The following KRT6C variants were observed in gnomAD, a reference collection of about 807,000 sequenced individuals.
KRT6C encodes the protein keratin, type II cytoskeletal 6C.
KRT6C carries 46 observed loss-of-function variants against 49.4 expected under a neutral mutation model. The ratio of observed to expected loss-of-function variants is 0.93; its 90% CI spans 0.74 to 1.19. The LOEUF is 1.19. Among genes scored for constraint, KRT6C ranks in the 50% most tolerant of loss-of-function variants. The pLI, the probability that KRT6C is intolerant of heterozygous loss-of-function variation, is 0.00. For synonymous variants in KRT6C, 236 were observed against 297.1 expected (o/e 0.79, Z 2.12); for missense variants, 552 against 737.5 (o/e 0.75, Z 2.91).
chr12:52,472,395 A>T, intron 1 of KRT6C, 115 bp from the exon 2 acceptor site: 1 of 979,888 alleles, frequency 1.0e-6, no homozygotes, highest in Non-Finnish European at 1.5e-6. Context: ...ACTACAGTGC[A>T]TGTGGAGAGG....
At chr12:52,471,089 A>G (rs762759903) in intron 5 of KRT6C, 43 bp downstream of exon 5, 13 of 1,614,010 alleles carry the variant, frequency 8.1e-6, no homozygotes, top group Non-Finnish European at 9.3e-6. Context: ...GTATTCCAGG[A>G]TGGACACAAG....
rs1937888186 is a variant in KRT6C at position 52,471,728 on chromosome 12, C to T, written c.760G>A (p.Glu254Lys). The T allele has an allele frequency of 1.9e-6, 3 of 1,613,740 alleles. No homozygotes were observed. The highest frequency in any genetic ancestry group is 2.7e-5 in the African/African-American group (2 of 74,970). The change falls in exon 3 of 9, where the codon GAG becomes AAG. Residue 254 changes from glutamate to lysine, a missense_variant. Around this residue, in one of 3 missense-constraint regions of KRT6C, gnomAD observed 425 missense variants for 439.4 expected, o/e 0.97. Transcript: ENST00000252250. Reference protein sequence around the residue: ...DLVEDLKNKYEDEINKRTAAE... With the variant: ...DLVEDLKNKYKDEINKRTAAE... ...GCTGTGCGCTTGTTGATTTCATCCT[C>T]ATATCTACAGGAAGAAAGGCATAGG...
Position 52,469,578 on chromosome 12 carries a change from C to A in KRT6C, c.1424+92G>T, listed in dbSNP as rs527543729. ...AGTTTTCTCTCAAGAAGAGCAATTA[C>A]GGCCATGAGCAGTGCACCCTAGAAT... On this transcript the variant is annotated intron_variant, in intron 7 of 8. Coordinates refer to ENST00000252250, the MANE Select transcript of KRT6C (RefSeq NM_173086.5). The A allele has an allele frequency of 4.5e-4, 733 of 1,612,500 alleles. 5 individuals are homozygous for A. The African/African-American group carries it at 9.0e-3, about 20-fold the overall frequency.
Position 52,469,792 on chromosome 12 carries a change from C to T in KRT6C, c.1302G>A (p.Leu434=). The change falls in exon 7 of 9, where the codon CTG becomes CTA. Residue 434 remains leucine (L), a synonymous_variant. Coordinates refer to ENST00000252250, the MANE Select transcript of KRT6C (RefSeq NM_173086.5). ...KNKLEGLEDA[L]QKAKQDLARL... is the part of the protein sequence containing the mutation. Reference sequence around the variant, plus strand: ...GGGCCAGGTCCTGCTTGGCCTTCTGCAGGGCATCCTCCAGCCCTTCCAGCT... The same window carrying T: ...GGGCCAGGTCCTGCTTGGCCTTCTGTAGGGCATCCTCCAGCCCTTCCAGCT... 1 of 1,614,146 alleles carries T rather than the reference C, an allele frequency of 6.2e-7. No homozygotes were observed. The highest frequency in any genetic ancestry group is 8.5e-7 in the Non-Finnish European group (1 of 1,180,004).
At position 52,472,353 on chromosome 12, in the gene KRT6C, G is replaced by A; in HGVS notation, c.541-73C>T. 2 of 1,289,584 alleles carry A rather than the reference G, an allele frequency of 1.6e-6. 1 individual carries two copies. Among genetic ancestry groups the A allele is most frequent in the South Asian group, 2.4e-5 (2 of 81,734 alleles). The allele number at this position is 1,289,584 out of a possible 1,614,324, so 79.9% of individuals were successfully genotyped here. ...AAAGTGTCTGGTATCCAGTTTCCTG[G>A]CAGGTCTTGGAGGTCCCCATGGTGC... On this transcript the variant is annotated intron_variant, in intron 1 of 8. Transcript: ENST00000252250.
Position 52,472,321 on chromosome 12 carries a change from G to A in KRT6C, c.541-41C>T. The A allele has an allele frequency of 1.4e-6, 2 of 1,390,032 alleles. 1 individual carries two copies. Among genetic ancestry groups the A allele is most frequent in the Non-Finnish European group, 2.0e-6 (2 of 1,004,370 alleles). The allele number at this position is 1,390,032 out of a possible 1,614,324, so 86.1% of individuals were successfully genotyped here. A position where few individuals can be genotyped will look rare whatever the true frequency, so the allele number is the denominator to read the frequency against. On this transcript the variant is annotated intron_variant, in intron 1 of 8. Coordinates refer to ENST00000252250, the MANE Select transcript of KRT6C (RefSeq NM_173086.5). ...GATGGTCATTTTCCAGGCAAAGGAA[G>A]GAAGAAAAAGTGTCTGGTATCCAGT...
Position 52,469,162 on chromosome 12 carries a change from C to T in KRT6C, c.1595G>A (p.Gly532Asp). 1 of 1,614,028 alleles carries T rather than the reference C, an allele frequency of 6.2e-7. No individual in the cohort carries two copies. The highest frequency in any genetic ancestry group is 8.5e-7 in the Non-Finnish European group (1 of 1,179,886). Residue 532 changes from glycine to aspartate, a missense_variant, in exon 9 of 9, where the codon GGC becomes GAC. Gly to Asp is a moderately conservative substitution (Grantham distance 94). Transcript: ENST00000252250. Reference sequence around the variant, plus strand: ...GCTGAGGCCACCCCCAATGGCTCTGCCACTGCTGGAACTGAAGCCACCTCC... The same window carrying T: ...GCTGAGGCCACCCCCAATGGCTCTGTCACTGCTGGAACTGAAGCCACCTCC... ...GIGGGFSSSS[G>D]RAIGGGLSSV...
chr12:52,471,747 G>A lies in KRT6C; in HGVS notation c.756-15C>T, dbSNP rs746822045. 6.2e-7 allele frequency: 1 copy of A among 1,613,818 alleles called. No individual in the cohort carries two copies. Among genetic ancestry groups the A allele is most frequent in the East Asian group, 2.2e-5 (1 of 44,854 alleles). Reference sequence around the variant, plus strand: ...CATCCTCATATCTACAGGAAGAAAGGCATAGGACACATATGAGCCAGTGGG... The same window carrying A: ...CATCCTCATATCTACAGGAAGAAAGACATAGGACACATATGAGCCAGTGGG... On this transcript the variant is annotated splice_polypyrimidine_tract_variant and intron_variant, in intron 2 of 8. Transcript: ENST00000252250.
Position 52,468,906 on chromosome 12 carries a change from G to T in KRT6C, c.*156C>A. ...TGGGTGCTCAGATGGGGCAGGTATA[G>T]ACAGAGAGAAGTGAGGGCACTAAGC... On this transcript the variant is annotated 3_prime_UTR_variant, in exon 9 of 9. Transcript: ENST00000252250. 1.1e-6 allele frequency: 1 copy of T among 879,552 alleles called. No homozygotes were observed. The highest frequency in any genetic ancestry group is 1.8e-6 in the Non-Finnish European group (1 of 566,268). The allele number at this position is 879,552 out of a possible 1,614,324, so 54.5% of individuals were successfully genotyped here.
chr12:52,471,667 C>T lies in KRT6C; in HGVS notation c.816+5G>A, dbSNP rs778521198. Reference sequence around the variant, plus strand: ...GAATTTGAACCCCCGGCTTCATCTGCTCACCTTCTTCAGAGTCACAAATTC... The same window carrying T: ...GAATTTGAACCCCCGGCTTCATCTGTTCACCTTCTTCAGAGTCACAAATTC... On this transcript the variant is annotated splice_donor_5th_base_variant and intron_variant, in intron 3 of 8. Transcript: ENST00000252250. 9 of 1,612,920 alleles carry T rather than the reference C, an allele frequency of 5.6e-6. No homozygotes were observed. The highest frequency in any genetic ancestry group is 5.5e-5 in the South Asian group (5 of 91,004).
rs143419682 is a variant in KRT6C, at chr12:52,469,435, C to G, written c.1435G>C (p.Glu479Gln). 1 of 1,613,966 alleles carries G rather than the reference C, an allele frequency of 6.2e-7. No individual in the cohort carries two copies. Among genetic ancestry groups the G allele is most frequent in the South Asian group, 1.1e-5 (1 of 91,080 alleles). The change falls in exon 8 of 9, where the codon GAA becomes CAA. Residue 479 changes from glutamate (E) to glutamine (Q), a missense_variant. Coordinates refer to ENST00000252250, the MANE Select transcript of KRT6C (RefSeq NM_173086.5). ...LEGEECRLNG[E>Q]GVGQVNVSVV... ...CAGACGTTGACTTGTCCAACGCCTTCGCCATTCAGCCTGTGGAGAGGAACA... is the reference window on the plus strand; with the variant it reads ...CAGACGTTGACTTGTCCAACGCCTTGGCCATTCAGCCTGTGGAGAGGAACA...
In KRT6C at chr12:52,469,209, G is replaced by A. The variant is rs1405459389; in HGVS notation, c.1548C>T (p.Ser516=). The A allele has an allele frequency of 6.2e-7, 1 of 1,614,018 alleles. No homozygotes were observed. Among genetic ancestry groups the A allele is most frequent in the Non-Finnish European group, 8.5e-7 (1 of 1,179,886 alleles). Residue 516 remains serine, a synonymous_variant, in exon 9 of 9, where the codon TCC becomes TCT. Coordinates refer to ENST00000252250, the MANE Select transcript of KRT6C (RefSeq NM_173086.5). ...CTCCAATGCCAAGACCACTGCCATA[G>A]GAGTAGCTGCTTCCTCCACCCAGGC... ...GLGLGGGSSY[S]YGSGLGIGGG...
chr12:52,471,728 C>A lies in KRT6C; in HGVS notation c.760G>T (p.Glu254Ter). Residue 254 changes from glutamate (E) to a stop codon, truncating the protein, a stop_gained, in exon 3 of 9, where the codon GAG (glutamate) becomes TAG (stop). Transcript: ENST00000252250. LOFTEE classifies it high-confidence loss of function. ...DLVEDLKNKY[E>*]DEINKRTAAE... Reference sequence around the variant, plus strand: ...GCTGTGCGCTTGTTGATTTCATCCTCATATCTACAGGAAGAAAGGCATAGG... The same window carrying A: ...GCTGTGCGCTTGTTGATTTCATCCTAATATCTACAGGAAGAAAGGCATAGG... 1 of 1,613,740 alleles carries A rather than the reference C, an allele frequency of 6.2e-7. No individual in the cohort carries two copies. The highest frequency in any genetic ancestry group is 8.5e-7 in the Non-Finnish European group (1 of 1,179,828).
At chr12:52,469,983 T>C in intron 6 of KRT6C, 93 bp from the exon 7 acceptor site, 8 of 1,386,820 alleles carry the variant, frequency 5.8e-6, no homozygotes, top group Admixed American at 1.9e-5. Flanking sequence ...TAACCCAAAA[T>C]TGACAGAGAA....
At position 52,470,134 on chromosome 12, in the gene KRT6C, T is replaced by G. The variant is rs1937849065; in HGVS notation, c.1204-244A>C. On this transcript the variant is annotated intron_variant, in intron 6 of 8. Coordinates refer to ENST00000252250, the MANE Select transcript of KRT6C (RefSeq NM_173086.5). ...TTGCATCTTATGGGAGACACTACAA[T>G]GGACCCAAAAACAAGCCATATGGAA... 3 of 626,420 alleles carry G rather than the reference T, an allele frequency of 4.8e-6. No homozygotes were observed. The South Asian group carries it at 5.9e-5, about 12-fold the overall frequency. 38.8% of individuals were successfully genotyped at this position (626,420 alleles called of 1,614,324 possible).
Position 52,471,125 on chromosome 12 carries a change from T to C in KRT6C, c.1077+7A>G. ...GATTCCTCAGCAGCTGCCCACTCCC[T>C]GCTCACCTTGGTCTGGTACCAGGAC... On this transcript the variant is annotated splice_region_variant and intron_variant, in intron 5 of 8. Coordinates refer to ENST00000252250, the MANE Select transcript of KRT6C (RefSeq NM_173086.5). 2 of 1,614,190 alleles carry C rather than the reference T, an allele frequency of 1.2e-6. No individual in the cohort carries two copies. The highest frequency in any genetic ancestry group is 1.7e-6 in the Non-Finnish European group (2 of 1,180,032).
chr12:52,469,699 G>T lies in KRT6C; in HGVS notation c.1395C>A (p.Tyr465Ter). Residue 465 changes from tyrosine to a stop codon, truncating the protein, a stop_gained, in exon 7 of 9, where the codon TAC becomes TAA. Transcript: ENST00000252250. LOFTEE classifies it high-confidence loss of function. Reference protein sequence around the residue: ...KLALDVEIATYRKLLEGEECR... With the variant: ...KLALDVEIAT ...ACTCCTCGCCCTCCAGCAGCTTGCG[G>T]TAGGTGGCGATCTCCACATCCAGGG... 2 of 1,614,180 alleles carry T rather than the reference G, an allele frequency of 1.2e-6. No individual in the cohort carries two copies. Among genetic ancestry groups the T allele is most frequent in the Non-Finnish European group, 1.7e-6 (2 of 1,180,022 alleles).
At position 52,469,714 on chromosome 12, in the gene KRT6C, C is replaced by T. The variant is rs1226612273; in HGVS notation, c.1380G>A (p.Val460=). The change falls in exon 7 of 9, where the codon GTG becomes GTA. Residue 460 remains valine, a synonymous_variant. Coordinates refer to ENST00000252250, the MANE Select transcript of KRT6C (RefSeq NM_173086.5). ...GCAGCTTGCGGTAGGTGGCGATCTC[C>T]ACATCCAGGGCCAGCTTGACATTCA... ...ELMNVKLALD[V]EIATYRKLLE... 1.9e-6 allele frequency: 3 copies of T among 1,614,052 alleles called. No individual in the cohort carries two copies. The highest frequency in any genetic ancestry group is 2.5e-6 in the Non-Finnish European group (3 of 1,180,040).
Position 52,470,630 on chromosome 12 carries a change from A to G in KRT6C, c.1078T>C (p.Tyr360His), listed in dbSNP as rs781165932. Residue 360 changes from tyrosine to histidine, a missense_variant and splice_region_variant, in exon 6 of 9, where the codon TAC becomes CAC. Around this residue, in one of 3 missense-constraint regions of KRT6C, gnomAD observed 425 missense variants for 439.4 expected, o/e 0.97. Coordinates refer to ENST00000252250, the MANE Select transcript of KRT6C (RefSeq NM_173086.5). ...CCTGCTGTGACCTGCAGCTCCTCGT[A>G]CTGCAGCCCAGAGGTGGAGAGAGAG... ...AEAESWYQTKYEELQVTAGRH... is the reference protein window; with the variant it reads ...AEAESWYQTKHEELQVTAGRH... The G allele has an allele frequency of 6.2e-7, 1 of 1,613,888 alleles. No individual in the cohort carries two copies. Among genetic ancestry groups the G allele is most frequent in the South Asian group, 1.1e-5 (1 of 91,064 alleles).
Sources: allele counts gnomAD v4.1 joint callset, GRCh38; gene constraint gnomAD v4.1.1; regional missense constraint gnomAD v4.1.1; transcripts MANE v1.5; gene names NCBI Gene and HGNC (gene_info 2026-07-23, HGNC 2026-07-21).